Variants in CPLX2 observed in about 807,000 individuals in gnomAD.
CPLX2 encodes complexin 2, also known as complexin-2.
CPLX2 carries 5 observed loss-of-function variants against 16.3 expected under a neutral mutation model. That is an observed-to-expected ratio of 0.31 (90% CI 0.16 to 0.64). CPLX2 has a LOEUF of 0.64. Ranked by LOEUF, CPLX2 falls within the 30% of genes least tolerant of loss-of-function variation. The pLI, the probability that CPLX2 is intolerant of heterozygous loss-of-function variation, is 0.79. For missense variants in CPLX2, 144 were observed against 181.4 expected (o/e 0.79, Z 1.18); for synonymous variants, 89 against 73.2 (o/e 1.22, Z -1.10).
At chr5:175,805,137 T>C (rs1355338926) in intron 1 of CPLX2, among the ~76,000 whole-genome samples, 2 of 152,238 alleles carry the variant, frequency 1.3e-5, no homozygotes, top group Non-Finnish European at 2.9e-5. Flanking sequence ...CAATAGAGCA[T>C]AGACCATGTG....
chr5:175,802,812 T>C (rs1165888615), intron 1 of CPLX2, among the ~76,000 whole-genome samples: 2 of 152,090 alleles, frequency 1.3e-5, no homozygotes, highest in Non-Finnish European at 2.9e-5. Context: ...ATGTGCTTCC[T>C]TCCTTCCTTT....
chr5:175,854,849 C>G (rs1440289640), intron 2 of CPLX2, among the ~76,000 whole-genome samples: 1 of 152,162 alleles, frequency 6.6e-6, no homozygotes, highest in Non-Finnish European at 1.5e-5. Flanking sequence ...ATTACACAAT[C>G]CATTGATTCC....
At position 175,880,403 on chromosome 5, in the gene CPLX2, C is replaced by A; in HGVS notation, c.*358C>A. ...TCCCCAGCCAGCCAAAGTAATGACA[C>A]ATTCCAGCCCTGCCCAGCATGCTGA... On this transcript the variant is annotated 3_prime_UTR_variant, in exon 4 of 4. Transcript: ENST00000393745. 1 of 371,470 alleles carries A rather than the reference C, an allele frequency of 2.7e-6. No individual in the cohort carries two copies. The highest frequency in any genetic ancestry group is 5.2e-6 in the Non-Finnish European group (1 of 191,676). 23.0% of individuals were successfully genotyped at this position (371,470 alleles called of 1,614,324 possible).
In CPLX2 at chr5:175,845,914, C is replaced by CCTGGCTTCCACCCCT. The variant is rs1759034791; in HGVS notation, c.-88-32729_-88-32715dup. On this transcript the variant is annotated intron_variant, in intron 2 of 4. Transcript: ENST00000359546. The surrounding 1 kb of genome is among the most constrained non-coding windows in gnomAD (Gnocchi z 4.0). ...GGAAAGGGGAGTCATTTGTGTTCCT[C>CCTGGCTTCCACCCCT]CTGGCTTCCACCCCTCTGGCTTCAT... 6.6e-6 allele frequency among the ~76,000 whole-genome samples: 1 copy of CCTGGCTTCCACCCCT among 152,114 alleles called. No individual in the cohort carries two copies. Among genetic ancestry groups the CCTGGCTTCCACCCCT allele is most frequent in the Non-Finnish European group, 1.5e-5 (1 of 68,014 alleles).
chr5:175,797,275 A>G lies in CPLX2; in HGVS notation c.-169+491A>G, dbSNP rs574454062. On this transcript the variant is annotated intron_variant, in intron 1 of 4. Coordinates refer to the CPLX2 transcript ENST00000359546. ...CGATCGGGGGATTTCAGCTTCTCCCAGAGAGGTGTCACCGGCGAGCTAGGC... is the reference window on the plus strand; with the variant it reads ...CGATCGGGGGATTTCAGCTTCTCCCGGAGAGGTGTCACCGGCGAGCTAGGC... Among the ~76,000 whole-genome samples the G allele has an allele frequency of 1.5e-3, 236 of 152,274 alleles. 1 individual carries two copies. Among genetic ancestry groups the G allele is most frequent in the Non-Finnish European group, 2.5e-3 (170 of 68,012 alleles).
chr5:175,811,956 G>A (rs1758319715), intron 2 of CPLX2, among the ~76,000 whole-genome samples: 1 of 152,216 alleles, frequency 6.6e-6, no homozygotes, highest in Non-Finnish European at 1.5e-5. Context: ...TCAGTGGGAG[G>A]ATGGCCTCCA....
chr5:175,809,150 G>A lies in CPLX2; in HGVS notation c.-89+82G>A, dbSNP rs983915371. On this transcript the variant is annotated intron_variant, in intron 2 of 4. Transcript: ENST00000359546. This position sits in a 1 kb window ranked among gnomAD's most constrained non-coding sequence, Gnocchi z 4.4. ...CCTGGAGCCCTGATGAAGGGGGCACGTCTTCCCCTCTGTGATTGCCAAGAA... is the reference window on the plus strand; with the variant it reads ...CCTGGAGCCCTGATGAAGGGGGCACATCTTCCCCTCTGTGATTGCCAAGAA... The A allele has an allele frequency of 2.0e-5, 3 of 152,360 alleles. No homozygotes were observed. The highest frequency in any genetic ancestry group is 6.5e-5 in the Admixed American group (1 of 15,294). The allele number at this position is 152,360 out of a possible 1,614,324, so 9.4% of individuals were successfully genotyped here.
At chr5:175,814,719 C>T (rs940183748) in intron 2 of CPLX2, among the ~76,000 whole-genome samples, 1 of 152,162 alleles carries the variant, frequency 6.6e-6, no homozygotes, top group Admixed American at 6.5e-5. Flanking sequence ...GAAAGCTGGA[C>T]ACAGGGCTCA....
At chr5:175,824,462 C>T (rs1371346436) in intron 2 of CPLX2, among the ~76,000 whole-genome samples, 1 of 152,252 alleles carries the variant, frequency 6.6e-6, no homozygotes, top group African/African-American at 2.4e-5. Flanking sequence ...AAGTCTCTCT[C>T]ATTTCCCAAA....
chr5:175,810,831 G>A (rs540255465), intron 2 of CPLX2, among the ~76,000 whole-genome samples: 4 of 152,308 alleles, frequency 2.6e-5, no homozygotes, highest in African/African-American at 9.6e-5. Flanking sequence ...ACTTCTCAAA[G>A]AATTCTAATA....
intron 2 of CPLX2, among the ~76,000 whole-genome samples, chr5:175,820,124 G>C (rs1200479365): frequency 2.6e-5 from 4 of 152,148 alleles, no homozygotes; most frequent in African/African-American, 9.7e-5. Context: ...AATTTGGTCA[G>C]CTCCTGTCTC....
chr5:175,852,704 T>C (rs374059025), intron 2 of CPLX2, among the ~76,000 whole-genome samples: 1 of 152,168 alleles, frequency 6.6e-6, no homozygotes, highest in African/African-American at 2.4e-5. Flanking sequence ...CCAGCAACCA[T>C]GCAGAAAAGT....
chr5:175,852,073 A>C (rs1400614700), intron 2 of CPLX2, among the ~76,000 whole-genome samples: 2 of 152,326 alleles, frequency 1.3e-5, no homozygotes, highest in Admixed American at 6.5e-5. Context: ...CAATGACAGA[A>C]ACCTCAGCGC....
rs1156315985 is a variant in CPLX2, at chr5:175,824,142, C to CT, written c.-89+15081dup. Among the ~76,000 whole-genome samples, 6 of 152,294 alleles carry CT rather than the reference C, an allele frequency of 3.9e-5. No individual in the cohort carries two copies. In the South Asian group the frequency reaches 1.0e-3, roughly 26 times the overall value. ...CCCAACCTTTCACCCTCAAGGACGC[C>CT]TTTTTTTCTTTCCCTCTTGACTTCA... On this transcript the variant is annotated intron_variant, in intron 2 of 4. Transcript: ENST00000359546.
rs1347540699 is a variant in CPLX2, at chr5:175,813,304, CTAAG to C, written c.-89+4242_-89+4245del. On this transcript the variant is annotated intron_variant, in intron 2 of 4. Transcript: ENST00000359546. ...AGGCAAATCAATTTAAAGAGAAATA[CTAAG>C]TAAGTGATAGGGCAGAAATCATGAA... Among the ~76,000 whole-genome samples the C allele has an allele frequency of 2.0e-5, 3 of 152,162 alleles. No homozygotes were observed. In the East Asian group the frequency reaches 5.8e-4, roughly 29 times the overall value.
At position 175,804,216 on chromosome 5, in the gene CPLX2, C is replaced by G. The variant is rs755497316; in HGVS notation, c.-168-4773C>G. The stretch of plus-strand genomic sequence containing the variant: ...GCATAAGCAGGACCTAATCTTGGCC[C>G]GAAGACATTTGCTTAACTGCAGGGA... On this transcript the variant is annotated intron_variant, in intron 1 of 4. Transcript: ENST00000359546. Among the ~76,000 whole-genome samples the G allele has an allele frequency of 3.9e-5, 6 of 152,128 alleles. No homozygotes were observed. The South Asian group carries it at 1.2e-3, about 32-fold the overall frequency.
chr5:175,846,202 CCT>C (rs1485042779), intron 2 of CPLX2, among the ~76,000 whole-genome samples: 2 of 152,164 alleles, frequency 1.3e-5, no homozygotes, highest in Non-Finnish European at 2.9e-5. Context: ...TTCTGCACCC[CCT>C]GATTCCTGGT....
chr5:175,832,883 G>A (rs1758758129), intron 2 of CPLX2, among the ~76,000 whole-genome samples: 1 of 152,142 alleles, frequency 6.6e-6, no homozygotes, highest in African/African-American at 2.4e-5. Flanking sequence ...GGCTGGGCGT[G>A]GTGGCTCATG....
chr5:175,813,740 A>G (rs1307320000), intron 2 of CPLX2, among the ~76,000 whole-genome samples: 3 of 152,250 alleles, frequency 2.0e-5, no homozygotes, highest in Non-Finnish European at 4.4e-5. Context: ...TTATTCAGGC[A>G]CAAATTAAAT....
Sources: gnomAD v4.1 joint callset for allele counts (sites outside exome capture counted in the v4.1 genomes callset) on GRCh38, gnomAD v4.1.1 for gene constraint, Gnocchi (gnomAD v3.1) non-coding constraint, MANE v1.5 for transcripts, NCBI Gene and HGNC (gene_info 2026-07-23, HGNC 2026-07-21) for gene names.